AP1M1: variants seen among roughly 807,000 people sequenced by gnomAD.
AP1M1 encodes AP-1 complex subunit mu-1.
A neutral mutation model predicts 57.1 loss-of-function variants in AP1M1; 18 were observed. The ratio of observed to expected loss-of-function variants is 0.32; its 90% CI spans 0.22 to 0.47. AP1M1 has a LOEUF of 0.47. Ranked by LOEUF, AP1M1 falls within the 20% of genes least tolerant of loss-of-function variation. The pLI is 1.00. For synonymous variants in AP1M1, 241 were observed against 237.9 expected (o/e 1.01, Z -0.12); for missense variants, 362 against 593.5 (o/e 0.61, Z 4.05).
rs544169376 is a variant in AP1M1 at position 16,218,861 on chromosome 19, T to G, written c.547-7560T>G. Among the ~76,000 whole-genome samples, 29 of 152,266 alleles carry G rather than the reference T, an allele frequency of 1.9e-4. 1 individual carries two copies. In the South Asian group the frequency reaches 6.0e-3, roughly 32 times the overall value. On this transcript the variant is annotated intron_variant, in intron 5 of 11. Coordinates refer to ENST00000291439, the MANE Select transcript of AP1M1 (RefSeq NM_032493.4). ...CAGCTCTCTGGAAGCTTCTTTTATC[T>G]CTTTTGCTTTACGTCTTCCCTCACT...
At chr19:16,234,142 G>T in intron 10 of AP1M1, 57 bp from the exon 11 acceptor site, 2 of 1,542,252 alleles carry the variant, frequency 1.3e-6, no homozygotes, top group African/African-American at 1.4e-5. Context: ...AAAGATTAAG[G>T]GGGGACCAAC....
chr19:16,226,409 C>T lies in AP1M1; in HGVS notation c.547-12C>T, dbSNP rs139438056. The T allele has an allele frequency of 2.0e-4, 309 of 1,523,306 alleles. No individual in the cohort carries two copies. The African/African-American group carries it at 3.1e-3, about 15-fold the overall frequency. The allele number at this position is 1,523,306 out of a possible 1,614,324, so 94.4% of individuals were successfully genotyped here. On this transcript the variant is annotated splice_polypyrimidine_tract_variant and intron_variant, in intron 5 of 11. Coordinates refer to ENST00000291439, the MANE Select transcript of AP1M1 (RefSeq NM_032493.4). ...TGGGGACCTCCCCTCACGCCCACAC[C>T]GCCACCCCCAGGTCAGCGCCAACGG...
At position 16,203,782 on chromosome 19, in the gene AP1M1, C is replaced by T. The variant is rs956363521; in HGVS notation, c.199+167C>T. Among the ~76,000 whole-genome samples, 3 of 152,136 alleles carry T rather than the reference C, an allele frequency of 2.0e-5. No individual in the cohort carries two copies. The highest frequency in any genetic ancestry group is 4.8e-5 in the African/African-American group (2 of 41,400). Reference sequence around the variant, plus strand: ...CCTGCGGAGACAGGCAGACAATGCACGATGACATGTGTGATGGGTGTGGGG... The same window carrying T: ...CCTGCGGAGACAGGCAGACAATGCATGATGACATGTGTGATGGGTGTGGGG... On this transcript the variant is annotated intron_variant, in intron 2 of 11. Coordinates refer to ENST00000291439, the MANE Select transcript of AP1M1 (RefSeq NM_032493.4). This position sits in a 1 kb window ranked among gnomAD's most constrained non-coding sequence, Gnocchi z 4.6.
Position 16,203,529 on chromosome 19 carries a change from TGGAGAA to T in AP1M1, c.118_123del (p.Lys40_Glu41del). On this transcript the variant is annotated inframe_deletion, in exon 2 of 12. Coordinates refer to ENST00000291439, the MANE Select transcript of AP1M1 (RefSeq NM_032493.4). This position sits in a 1 kb window ranked among gnomAD's most constrained non-coding sequence, Gnocchi z 4.6. Reference sequence around the variant, plus strand: ...GTGGAGCACTTCATGCCCATCCTGATGGAGAAGGAGGAGGAGGGGATGCTGTCGCCC... The same window carrying T: ...GTGGAGCACTTCATGCCCATCCTGATGGAGGAGGAGGGGATGCTGTCGCCC... 1 of 1,614,054 alleles carries T rather than the reference TGGAGAA, an allele frequency of 6.2e-7. No homozygotes were observed. Among genetic ancestry groups the T allele is most frequent in the Non-Finnish European group, 8.5e-7 (1 of 1,179,986 alleles).
intron 5 of AP1M1, 104 bp downstream of exon 5, chr19:16,209,281 G>A (rs2091483291): frequency 2.3e-6 from 3 of 1,309,526 alleles, no homozygotes; most frequent in South Asian, 2.8e-5. Context: ...CGTTCTGTGT[G>A]GTAACAGATA....
intron 5 of AP1M1, among the ~76,000 whole-genome samples, chr19:16,213,076 G>A (rs776471420): frequency 5.3e-4 from 81 of 152,244 alleles, no homozygotes; most frequent in African/African-American, 1.4e-3. Flanking sequence ...TCGTTTTTGG[G>A]TGGAGAGTTC....
chr19:16,201,439 G>T (rs12977235), intron 1 of AP1M1, among the ~76,000 whole-genome samples: 2 of 129,936 alleles, frequency 1.5e-5, no homozygotes, highest in African/African-American at 3.0e-5. Context: ...CGTTCTGTCA[G>T]CCAAGCTGGA....
In AP1M1 at chr19:16,206,436, C is replaced by T. The variant is rs1568348233; in HGVS notation, c.267+28C>T. Reference sequence around the variant, plus strand: ...GAGTCTCGCTCGGAGGGGCCGTGGGCTTGGGTGGAGGTTGTCTTGGCTCTG... The same window carrying T: ...GAGTCTCGCTCGGAGGGGCCGTGGGTTTGGGTGGAGGTTGTCTTGGCTCTG... On this transcript the variant is annotated intron_variant, in intron 3 of 11. Transcript: ENST00000291439. The surrounding 1 kb of genome is among the most constrained non-coding windows in gnomAD (Gnocchi z 4.3). 6.2e-7 allele frequency: 1 copy of T among 1,612,496 alleles called. No individual in the cohort carries two copies. The highest frequency in any genetic ancestry group is 8.5e-7 in the Non-Finnish European group (1 of 1,178,876).
chr19:16,222,811 T>C (rs2091551986), intron 5 of AP1M1, among the ~76,000 whole-genome samples: 3 of 152,070 alleles, frequency 2.0e-5, no homozygotes, highest in Admixed American at 2.0e-4. Flanking sequence ...GACCAGGACT[T>C]GCTGTGTTGC....
At chr19:16,216,646 T>C (rs1348754854) in intron 5 of AP1M1, among the ~76,000 whole-genome samples, 1 of 152,168 alleles carries the variant, frequency 6.6e-6, no homozygotes, top group East Asian at 1.9e-4. Flanking sequence ...GGGGTTTGAT[T>C]GTGTATAAGG....
At chr19:16,223,130 C>T (rs1288566346) in intron 5 of AP1M1, among the ~76,000 whole-genome samples, 1 of 152,052 alleles carries the variant, frequency 6.6e-6, no homozygotes, top group East Asian at 1.9e-4. Context: ...TTGTTTTAGC[C>T]AACAGCCAAT....
Position 16,208,297 on chromosome 19 carries a change from G to A in AP1M1, c.398+148G>A, listed in dbSNP as rs529144109. On this transcript the variant is annotated intron_variant, in intron 4 of 11. Coordinates refer to ENST00000291439, the MANE Select transcript of AP1M1 (RefSeq NM_032493.4). The stretch of plus-strand genomic sequence containing the variant: ...CCAGCAGTATTCGGGTTTTTACTAA[G>A]TTGCTCTTAGTGGTTTTAATTCGTT... The A allele has an allele frequency of 9.4e-6, 8 of 848,074 alleles. No homozygotes were observed. In the South Asian group the frequency reaches 1.4e-4, roughly 15 times the overall value. 52.5% of individuals were successfully genotyped at this position (848,074 alleles called of 1,614,324 possible). A position where few individuals can be genotyped will look rare whatever the true frequency, so the allele number is the denominator to read the frequency against.
intron 1 of AP1M1, 157 bp downstream of exon 1, chr19:16,198,225 T>G: frequency 1.5e-6 from 1 of 665,334 alleles, no homozygotes. Context: ...ATCCTGTTTC[T>G]GGGTAACCGG....
chr19:16,228,020 G>A lies in AP1M1; in HGVS notation c.817-117G>A. The A allele has an allele frequency of 9.1e-7, 1 of 1,103,488 alleles. No homozygotes were observed. Among genetic ancestry groups the A allele is most frequent in the Non-Finnish European group, 1.3e-6 (1 of 749,114 alleles). The allele number at this position is 1,103,488 out of a possible 1,614,324, so 68.4% of individuals were successfully genotyped here. ...GACGCTGGCTGTACGCTCCCTGCAG[G>A]GCTCTGGGCCCACACCTGGGCAGAT... On this transcript the variant is annotated intron_variant, in intron 7 of 11. Coordinates refer to ENST00000291439, the MANE Select transcript of AP1M1 (RefSeq NM_032493.4). This position sits in a 1 kb window ranked among gnomAD's most constrained non-coding sequence, Gnocchi z 5.0.
chr19:16,200,503 G>C (rs2091442450), intron 1 of AP1M1, among the ~76,000 whole-genome samples: 1 of 152,190 alleles, frequency 6.6e-6, no homozygotes, highest in South Asian at 2.1e-4. Flanking sequence ...AGCTCCCCAA[G>C]GCAGCCGTGG....
rs902515752 is a variant in AP1M1, at chr19:16,241,991, CAAAAA to C, written c.*7563_*7567del. ...CTGGGCAATGAGCGAAACTCCATCT[CAAAAA>C]AAAAAAGAAAGAAAAAGAAAAAGAA... On this transcript the variant is annotated 3_prime_UTR_variant, in exon 12 of 12. Transcript: ENST00000291439. 7.5e-6 allele frequency: 1 copy of C among 134,014 alleles called. No individual in the cohort carries two copies. Among genetic ancestry groups the C allele is most frequent in the Non-Finnish European group, 1.6e-5 (1 of 62,370 alleles). 8.3% of individuals were successfully genotyped at this position (134,014 alleles called of 1,614,324 possible).
chr19:16,220,026 GTAA>G (rs1458148384), intron 5 of AP1M1, among the ~76,000 whole-genome samples: 4 of 152,016 alleles, frequency 2.6e-5, no homozygotes, highest in Non-Finnish European at 4.4e-5. Flanking sequence ...TCTCTTTTTT[GTAA>G]TGTTTTTGTC....
chr19:16,198,825 TG>T (rs2091435714), intron 1 of AP1M1, among the ~76,000 whole-genome samples: 1 of 152,060 alleles, frequency 6.6e-6, no homozygotes, highest in Admixed American at 6.6e-5. Context: ...GTTTTGTTTT[TG>T]AGATAGTGTC....
intron 5 of AP1M1, among the ~76,000 whole-genome samples, chr19:16,213,972 T>A (rs935571672): frequency 6.6e-6 from 1 of 152,200 alleles, no homozygotes; most frequent in African/African-American, 2.4e-5. Context: ...CTTGTTTGTG[T>A]GGTTGCTTTA....
Sources: gnomAD v4.1 joint callset for allele counts (sites outside exome capture counted in the v4.1 genomes callset) on GRCh38, gnomAD v4.1.1 for gene constraint, Gnocchi (gnomAD v3.1) non-coding constraint, MANE v1.5 for transcripts, NCBI Gene and HGNC (gene_info 2026-07-23, HGNC 2026-07-21) for gene names.